TAF4: variants seen among roughly 807,000 people sequenced by gnomAD.
The protein encoded by TAF4 is transcription initiation factor TFIID subunit 4.
Under a neutral mutation model 90.3 loss-of-function variants are expected in TAF4, and 9 were observed. The ratio of observed to expected loss-of-function variants is 0.10; its 90% CI spans 0.06 to 0.17. The LOEUF is 0.17. Among genes scored for constraint, TAF4 ranks in the 10% least tolerant of loss-of-function variants. The pLI is 1.00. For synonymous variants in TAF4, 818 were observed against 638.9 expected (o/e 1.28, Z -4.23); for missense variants, 1,351 against 1,370.7 (o/e 0.99, Z 0.23).
Position 61,998,169 on chromosome 20 carries a change from T to C in TAF4, c.2937A>G (p.Pro979=). ...CCTTCTGTTTCAGCCTTAACTGTTC[T>C]GGATCTTCTTGTCTTGACCGAGACT... is the stretch of plus-strand genomic sequence containing the variant. ...AAKSRSRQED[P]EQLRLKQKAK... is the part of the protein sequence containing the mutation. The change falls in exon 13 of 15, where the codon CCA becomes CCG. Residue 979 remains proline (P), a synonymous_variant. Coordinates refer to ENST00000252996, the MANE Select transcript of TAF4 (RefSeq NM_003185.4). 1 of 1,614,044 alleles carries C rather than the reference T, an allele frequency of 6.2e-7. No individual in the cohort carries two copies. The highest frequency in any genetic ancestry group is 8.5e-7 in the Non-Finnish European group (1 of 1,179,986).
At position 62,064,926 on chromosome 20, in the gene TAF4, G is replaced by C. The variant is rs2056116138; in HGVS notation, c.885C>G (p.Pro295=). 11 of 615,216 alleles carry C rather than the reference G, an allele frequency of 1.8e-5. No individual in the cohort carries two copies. Among genetic ancestry groups the C allele is most frequent in the African/African-American group, 2.1e-5 (1 of 47,792 alleles). The allele number at this position is 615,216 out of a possible 1,614,324, so 38.1% of individuals were successfully genotyped here. A position where few individuals can be genotyped will look rare whatever the true frequency, so the allele number is the denominator to read the frequency against. The part of the protein sequence containing the change: ...GHPAGPPTAA[P]AVPPPAAAQN... ...GGGCGGCGGCGGGGGGCGGCACGGC[G>C]GGCGCGGCGGTCGGGGGTCCGGCGG... The change falls in exon 1 of 15, where the codon CCC becomes CCG. Residue 295 remains proline, a synonymous_variant. Transcript: ENST00000252996.
intron 1 of TAF4, among the ~76,000 whole-genome samples, chr20:62,026,337 C>G (rs2055874548): frequency 6.6e-6 from 1 of 152,232 alleles, no homozygotes; most frequent in South Asian, 2.1e-4. Flanking sequence ...CAAGCGATCA[C>G]ACCCTCCACC....
chr20:62,050,356 G>A (rs781375862), intron 1 of TAF4, among the ~76,000 whole-genome samples: 2 of 152,110 alleles, frequency 1.3e-5, no homozygotes, highest in Non-Finnish European at 2.9e-5. Flanking sequence ...TCTGGACCTG[G>A]GCACAGCAAG....
At chr20:62,018,914 G>A (rs145721635) in intron 1 of TAF4, among the ~76,000 whole-genome samples, 138 of 152,278 alleles carry the variant, frequency 9.1e-4, no homozygotes, top group Admixed American at 3.4e-3. Flanking sequence ...AGGAAGCTGG[G>A]GCCTGGGACC....
At chr20:62,046,831 G>A (rs2055996061) in intron 1 of TAF4, among the ~76,000 whole-genome samples, 1 of 152,144 alleles carries the variant, frequency 6.6e-6, no homozygotes, top group Non-Finnish European at 1.5e-5. Flanking sequence ...AACTATGTGA[G>A]CACCTTTTCG....
intron 1 of TAF4, among the ~76,000 whole-genome samples, chr20:62,049,474 C>T (rs1216148230): frequency 6.6e-6 from 1 of 152,192 alleles, no homozygotes; most frequent in Non-Finnish European, 1.5e-5. Flanking sequence ...ACATCTAGAA[C>T]CCAGGCCAGA....
intron 1 of TAF4, among the ~76,000 whole-genome samples, chr20:62,023,994 C>A (rs11698625): frequency 1.2e-4 from 18 of 152,050 alleles, no homozygotes; most frequent in Non-Finnish European, 2.4e-4. Flanking sequence ...GGGAAGACTG[C>A]TTGAGCCCGG....
intron 1 of TAF4, among the ~76,000 whole-genome samples, chr20:62,031,852 C>T (rs1322018691): frequency 1.3e-5 from 2 of 152,146 alleles, no homozygotes; most frequent in Admixed American, 6.5e-5. Context: ...AGACGGGGCT[C>T]GCAGGGAAGG....
intron 9 of TAF4, among the ~76,000 whole-genome samples, chr20:62,002,093 C>T (rs1311809163): frequency 6.6e-6 from 1 of 152,196 alleles, no homozygotes; most frequent in Non-Finnish European, 1.5e-5. Flanking sequence ...TCCCTTCTGC[C>T]AGGCCGCTGA....
At chr20:62,023,747 CAAAAAAAAAAAAA>C (rs59813943) in intron 1 of TAF4, among the ~76,000 whole-genome samples, 9 of 59,568 alleles carry the variant, frequency 1.5e-4, no homozygotes, top group African/African-American at 6.2e-4. Flanking sequence ...GACTCCATCT[CAAAAAAAAAAAAA>C]AAAAAAAAAA....
At chr20:62,030,857 T>C (rs1360040212) in intron 1 of TAF4, among the ~76,000 whole-genome samples, 2 of 152,198 alleles carry the variant, frequency 1.3e-5, no homozygotes, top group African/African-American at 4.8e-5. Flanking sequence ...TGGCAGGGCC[T>C]GATTCAGGAG....
rs114088576 is a variant in TAF4 at position 61,996,431 on chromosome 20, G to T, written c.3090+1119C>A. Among the ~76,000 whole-genome samples, 903 of 152,192 alleles carry T rather than the reference G, an allele frequency of 5.9e-3. 12 individuals carry two copies. The highest frequency in any genetic ancestry group is 0.021 in the African/African-American group (860 of 41,542). On this transcript the variant is annotated intron_variant, in intron 14 of 14. Coordinates refer to ENST00000252996, the MANE Select transcript of TAF4 (RefSeq NM_003185.4). The stretch of plus-strand genomic sequence containing the variant: ...TACAGCAGGACATCAGAAGACAGTG[G>T]AACAAGGTCTTGAAAGTTTCGCAAG...
intron 14 of TAF4, among the ~76,000 whole-genome samples, chr20:61,982,347 CTA>C (rs2055552902): frequency 1.8e-4 from 1 of 5,650 alleles, no homozygotes; most frequent in Admixed American, 2.2e-3. Context: ...CACACCCACC[CTA>C]GAGGAGACAC....
At chr20:62,009,247 A>C in intron 4 of TAF4, 73 bp from the exon 5 acceptor site, 1 of 1,387,382 alleles carries the variant, frequency 7.2e-7, no homozygotes, top group Middle Eastern at 1.9e-4. Flanking sequence ...TGGTTACTAA[A>C]ATATGCATAT....
chr20:62,007,688 C>T (rs1306641117), intron 5 of TAF4, 52 bp from the exon 6 acceptor site: 1 of 1,504,844 alleles, frequency 6.6e-7, no homozygotes, highest in African/African-American at 1.4e-5. Context: ...TCCACACACA[C>T]TTCTGAATCC....
At chr20:62,024,236 C>G (rs547447745) in intron 1 of TAF4, among the ~76,000 whole-genome samples, 3 of 152,212 alleles carry the variant, frequency 2.0e-5, no homozygotes, top group Non-Finnish European at 2.9e-5. Context: ...TGGACAGACA[C>G]AGGCAAACCC....
chr20:62,065,811 C>T lies in TAF4; in HGVS notation c.-1G>A. The T allele has an allele frequency of 7.8e-7, 1 of 1,289,180 alleles. No individual in the cohort carries two copies. The highest frequency in any genetic ancestry group is 1.3e-5 in the South Asian group (1 of 74,906). 79.9% of individuals were successfully genotyped at this position (1,289,180 alleles called of 1,614,324 possible). A position where few individuals can be genotyped will look rare whatever the true frequency, so the allele number is the denominator to read the frequency against. On this transcript the variant is annotated 5_prime_UTR_variant, in exon 1 of 15. Coordinates refer to ENST00000252996, the MANE Select transcript of TAF4 (RefSeq NM_003185.4). ...CCAGCAGATCCGAGCCCGCCGCCAT[C>T]TTTTTTCCTCGGCCGCCGCCGCCGC...
chr20:62,003,061 A>T, intron 9 of TAF4, 99 bp downstream of exon 9: 1 of 983,778 alleles, frequency 1.0e-6, no homozygotes, highest in Non-Finnish European at 1.5e-6. Context: ...CGCCAGGGCC[A>T]CGTGGGAAAG....
intron 4 of TAF4, among the ~76,000 whole-genome samples, chr20:62,009,685 A>G (rs2055766990): frequency 6.6e-6 from 1 of 151,892 alleles, no homozygotes; most frequent in Admixed American, 6.5e-5. Flanking sequence ...ACAGTTCACC[A>G]GTGACTCTTC....
Sources: allele counts gnomAD v4.1 joint callset (sites outside exome capture counted in the v4.1 genomes callset), GRCh38; gene constraint gnomAD v4.1.1; transcripts MANE v1.5; gene names NCBI Gene and HGNC (gene_info 2026-07-23, HGNC 2026-07-21).